CORIN: variants seen among roughly 807,000 people sequenced by gnomAD.
CORIN encodes the protein corin, serine peptidase, also known as atrial natriuretic peptide-converting enzyme.
In CORIN, 117 loss-of-function variants were observed where a neutral mutation model predicts 125.3. That is an observed-to-expected ratio of 0.93 (90% CI 0.80 to 1.09). CORIN has a LOEUF of 1.09. CORIN is among the 50% of genes least tolerant of loss of function. The pLI is 0.00. For synonymous variants in CORIN, 450 were observed against 466.4 expected, an observed-to-expected ratio of 0.96 and a Z score of 0.45; for missense variants, 1,253 against 1,306.7, an observed-to-expected ratio of 0.96 and a Z score of 0.63.
intron 5 of CORIN, among the ~76,000 whole-genome samples, chr4:47,729,005 G>T (rs964144989): frequency 3.9e-5 from 6 of 152,288 alleles, no homozygotes; most frequent in Non-Finnish European, 7.4e-5. Flanking sequence ...AATCTCAAAT[G>T]ATCTATAAAC....
At chr4:47,633,767 A>C (rs1218243280) in intron 16 of CORIN, among the ~76,000 whole-genome samples, 2 of 152,200 alleles carry the variant, frequency 1.3e-5, no homozygotes, top group African/African-American at 4.8e-5. Context: ...TATCAGTTTC[A>C]ATTTCAACAT....
chr4:47,831,834 G>T (rs1416337422), intron 1 of CORIN, among the ~76,000 whole-genome samples: 3 of 151,770 alleles, frequency 2.0e-5, no homozygotes, highest in African/African-American at 7.3e-5. Flanking sequence ...AGGTCATACT[G>T]GATTAGGGTG....
intron 3 of CORIN, among the ~76,000 whole-genome samples, chr4:47,764,347 C>G (rs903692825): frequency 6.6e-6 from 1 of 152,222 alleles, no homozygotes; most frequent in African/African-American, 2.4e-5. Flanking sequence ...CCACCATATC[C>G]ATGGCTTTTC....
Position 47,600,266 on chromosome 4 carries a change from GT to G in CORIN, c.2893del (p.Thr965ProfsTer4), listed in dbSNP as rs769824399. ...ATAGCCAGCACATATCATCCGAGTGGTGATGGTCTTCATGTCAAAGTAGGAC... is the reference window on the plus strand; with the variant it reads ...ATAGCCAGCACATATCATCCGAGTGGGATGGTCTTCATGTCAAAGTAGGAC... ...CQSYFDMKTITTRMICAGYES... is the reference protein window; with the variant it reads ...CQSYFDMKTIXTRMICAGYES... On this transcript the variant is annotated frameshift_variant, in exon 21 of 22. Coordinates refer to ENST00000273857, the MANE Select transcript of CORIN (RefSeq NM_006587.4). LOFTEE classifies it high-confidence loss of function. 3 of 1,613,806 alleles carry G rather than the reference GT, an allele frequency of 1.9e-6. No individual in the cohort carries two copies. The highest frequency in any genetic ancestry group is 2.5e-6 in the Non-Finnish European group (3 of 1,179,810).
chr4:47,780,759 A>G (rs1041515171), intron 3 of CORIN, among the ~76,000 whole-genome samples: 2 of 152,142 alleles, frequency 1.3e-5, no homozygotes, highest in Non-Finnish European at 2.9e-5. Flanking sequence ...CAGAGGTGGG[A>G]CAGAGCAGTT....
intron 4 of CORIN, among the ~76,000 whole-genome samples, chr4:47,760,147 A>G (rs1025458826): frequency 5.9e-5 from 9 of 152,240 alleles, no homozygotes; most frequent in Admixed American, 5.2e-4. Context: ...CTGAAATAAT[A>G]AGACTTGAAA....
intron 19 of CORIN, among the ~76,000 whole-genome samples, chr4:47,607,278 G>A (rs1435488759): frequency 6.6e-6 from 1 of 151,974 alleles, no homozygotes; most frequent in Non-Finnish European, 1.5e-5. Context: ...CATGGTGGCG[G>A]GTGCCTGTAG....
chr4:47,628,463 T>C (rs936160824), intron 16 of CORIN, among the ~76,000 whole-genome samples: 7 of 151,768 alleles, frequency 4.6e-5, no homozygotes, highest in Admixed American at 1.3e-4. Flanking sequence ...TGTGTGTGTG[T>C]GTGTGTGTGT....
chr4:47,765,888 T>A (rs1729710089), intron 3 of CORIN, among the ~76,000 whole-genome samples: 1 of 152,244 alleles, frequency 6.6e-6, no homozygotes, highest in South Asian at 2.1e-4. Flanking sequence ...AACTCCTTAT[T>A]AGGGAGATTA....
At chr4:47,834,984 C>G (rs1714179946) in intron 1 of CORIN, among the ~76,000 whole-genome samples, 1 of 152,156 alleles carries the variant, frequency 6.6e-6, no homozygotes, top group African/African-American at 2.4e-5. Context: ...GGGGCAGAGT[C>G]AGAGGTCTGA....
At chr4:47,616,870 A>T (rs368957661) in intron 19 of CORIN, among the ~76,000 whole-genome samples, 3 of 152,328 alleles carry the variant, frequency 2.0e-5, no homozygotes, top group African/African-American at 7.2e-5. Flanking sequence ...GTGATCCAAC[A>T]AAAAAAGATA....
intron 1 of CORIN, among the ~76,000 whole-genome samples, chr4:47,816,433 T>G (rs1465424443): frequency 1.3e-5 from 2 of 152,206 alleles, no homozygotes; most frequent in Non-Finnish European, 2.9e-5. Flanking sequence ...ATTCCACAAA[T>G]GCTTATGTAA....
chr4:47,777,276 C>T (rs892231486), intron 3 of CORIN, among the ~76,000 whole-genome samples: 9 of 152,176 alleles, frequency 5.9e-5, no homozygotes, highest in Non-Finnish European at 8.8e-5. Context: ...AGTACACAGG[C>T]ATGAGAATGG....
chr4:47,807,039 T>A lies in CORIN; in HGVS notation c.72A>T (p.Arg24Ser). Residue 24 changes from arginine (R) to serine (S), a missense_variant, in exon 2 of 22, where the codon AGA becomes AGT. By Grantham distance (110) the Arg-to-Ser change is moderately radical (BLOSUM62 -1). Transcript: ENST00000273857. ...CATTGCCCATGTTATTGTCATCAGC[T>A]CTCAAGACCTAAAGTAAAAGAGGAA... ...RRAGSPKPVL[R>S]ADDNNMGNGC... 4.4e-6 allele frequency: 7 copies of A among 1,605,870 alleles called. No individual in the cohort carries two copies. Among genetic ancestry groups the A allele is most frequent in the Non-Finnish European group, 5.9e-6 (7 of 1,177,912 alleles).
chr4:47,615,371 G>C (rs1722033800), intron 19 of CORIN, among the ~76,000 whole-genome samples: 1 of 152,184 alleles, frequency 6.6e-6, no homozygotes, highest in Non-Finnish European at 1.5e-5. Flanking sequence ...AAGGGAACAA[G>C]AGAGTAGTCA....
At chr4:47,725,222 A>T (rs745544083) in intron 5 of CORIN, among the ~76,000 whole-genome samples, 47 of 152,172 alleles carry the variant, frequency 3.1e-4, no homozygotes, top group Non-Finnish European at 5.6e-4. Flanking sequence ...CTTTAATACA[A>T]ATCCAATCAA....
chr4:47,683,927 G>C lies in CORIN; in HGVS notation c.914-89C>G, dbSNP rs937369989. The C allele has an allele frequency of 1.1e-5, 10 of 924,444 alleles. No individual in the cohort carries two copies. The African/African-American group carries it at 1.6e-4, about 15-fold the overall frequency. 57.3% of individuals were successfully genotyped at this position (924,444 alleles called of 1,614,324 possible). A position where few individuals can be genotyped will look rare whatever the true frequency, so the allele number is the denominator to read the frequency against. ...ATTTAACAAAAGCCAATCATGGAAG[G>C]GACACCCTAATGGTAACCTGGTCCA... On this transcript the variant is annotated intron_variant, in intron 6 of 21. Coordinates refer to ENST00000273857, the MANE Select transcript of CORIN (RefSeq NM_006587.4).
chr4:47,615,493 T>C (rs1481064616), intron 19 of CORIN, among the ~76,000 whole-genome samples: 2 of 152,172 alleles, frequency 1.3e-5, no homozygotes, highest in Admixed American at 1.3e-4. Context: ...TATTAGGAAA[T>C]AGGGACTTTA....
Position 47,649,720 on chromosome 4 carries a change from A to C in CORIN, c.1843+3833T>G, listed in dbSNP as rs1409827758. 3.3e-5 allele frequency among the ~76,000 whole-genome samples: 5 copies of C among 152,352 alleles called. No individual in the cohort carries two copies. The East Asian group carries it at 5.8e-4, about 18-fold the overall frequency. ...CCAGCCTGCCTTCCCAAGACACCAC[A>C]GAAGACGATGAAACAGTTAACCAAG... On this transcript the variant is annotated intron_variant, in intron 13 of 21. Coordinates refer to ENST00000273857, the MANE Select transcript of CORIN (RefSeq NM_006587.4).
Sources: gnomAD v4.1 joint callset for allele counts (sites outside exome capture counted in the v4.1 genomes callset) on GRCh38, gnomAD v4.1.1 for gene constraint, MANE v1.5 for transcripts, NCBI Gene and HGNC (gene_info 2026-07-23, HGNC 2026-07-21) for gene names.